Variants in OPCML observed in about 807,000 individuals in gnomAD.
OPCML encodes the protein opioid binding protein/cell adhesion molecule like.
A neutral mutation model predicts 37.8 loss-of-function variants in OPCML; 13 were observed. That is an observed-to-expected ratio of 0.34 (90% CI 0.22 to 0.55). The LOEUF (loss-of-function observed/expected upper bound fraction) is 0.55, where lower values mean the gene tolerates loss of function less well. OPCML is among the 20% of genes least tolerant of loss of function. The pLI is 0.91. For missense variants in OPCML, 341 were observed against 435.6 expected, an observed-to-expected ratio of 0.78 and a Z score of 1.93; for synonymous variants, 176 against 168.8, an observed-to-expected ratio of 1.04 and a Z score of -0.33.
intron 3 of OPCML, among the ~76,000 whole-genome samples, chr11:132,622,614 G>T (rs978253771): frequency 2.6e-5 from 4 of 152,108 alleles, no homozygotes. Flanking sequence ...GGCCAGCCCT[G>T]GAAGTCCAGT....
intron 2 of OPCML, among the ~76,000 whole-genome samples, chr11:132,777,799 G>C (rs1275680883): frequency 6.6e-6 from 1 of 152,120 alleles, no homozygotes; most frequent in Non-Finnish European, 1.5e-5. Context: ...TTTGAATCTG[G>C]TCTCACACCT....
At chr11:132,640,510 T>C (rs1350381026) in intron 3 of OPCML, among the ~76,000 whole-genome samples, 1 of 152,226 alleles carries the variant, frequency 6.6e-6, no homozygotes, top group Non-Finnish European at 1.5e-5. Flanking sequence ...AACCAAATAT[T>C]GTCATTTCTT....
At chr11:133,144,293 C>T (rs1023275446) in intron 1 of OPCML, among the ~76,000 whole-genome samples, 11 of 152,238 alleles carry the variant, frequency 7.2e-5, no homozygotes, top group African/African-American at 2.4e-4. Flanking sequence ...CCTGCCTGCA[C>T]AGGCCCTGAG....
At chr11:132,455,794 C>T (rs933221370) in intron 4 of OPCML, among the ~76,000 whole-genome samples, 2 of 152,034 alleles carry the variant, frequency 1.3e-5, no homozygotes, top group African/African-American at 4.8e-5. Flanking sequence ...TTCATTCATT[C>T]ATTCATATGT....
chr11:132,729,429 G>T (rs1316442536), intron 2 of OPCML, among the ~76,000 whole-genome samples: 1 of 152,076 alleles, frequency 6.6e-6, no homozygotes, highest in Non-Finnish European at 1.5e-5. Context: ...TTGGACAAAG[G>T]TTAAACGGGC....
At chr11:133,442,956 T>C (rs943775389) in intron 1 of OPCML, among the ~76,000 whole-genome samples, 5 of 152,204 alleles carry the variant, frequency 3.3e-5, no homozygotes, top group African/African-American at 1.2e-4. Context: ...TTAAACATGA[T>C]ACTTAATAGC....
At chr11:133,342,842 T>A (rs1439767091) in intron 1 of OPCML, among the ~76,000 whole-genome samples, 1 of 152,104 alleles carries the variant, frequency 6.6e-6, no homozygotes, top group African/African-American at 2.4e-5. Flanking sequence ...CATGGTACCT[T>A]AGGCCTTCAT....
At chr11:133,192,065 T>C (rs1592089633) in intron 1 of OPCML, among the ~76,000 whole-genome samples, 1 of 152,332 alleles carries the variant, frequency 6.6e-6, no homozygotes, top group East Asian at 1.9e-4. Context: ...GAGACTTCAT[T>C]GTGCAGGGTA....
At chr11:132,673,854 G>T (rs1033409048) in intron 2 of OPCML, among the ~76,000 whole-genome samples, 1 of 152,084 alleles carries the variant, frequency 6.6e-6, no homozygotes, top group African/African-American at 2.4e-5. Context: ...TGAATCCAAA[G>T]GGTAGTGGTC....
intron 1 of OPCML, among the ~76,000 whole-genome samples, chr11:133,526,498 T>G (rs1352174183): frequency 6.6e-6 from 1 of 152,158 alleles, no homozygotes; most frequent in Non-Finnish European, 1.5e-5. Flanking sequence ...AGGGAATGTA[T>G]GTTCACATGC....
intron 1 of OPCML, among the ~76,000 whole-genome samples, chr11:133,058,492 A>G (rs951441197): frequency 3.3e-5 from 5 of 152,156 alleles, no homozygotes; most frequent in Non-Finnish European, 7.4e-5. Context: ...TGTCACATCG[A>G]GCATGCCACC....
intron 1 of OPCML, among the ~76,000 whole-genome samples, chr11:133,131,645 A>G (rs1277928266): frequency 1.3e-5 from 2 of 152,212 alleles, no homozygotes; most frequent in African/African-American, 2.4e-5. Context: ...TCTATGATAT[A>G]GCAATAACAC....
At chr11:132,745,568 A>T (rs1344361393) in intron 2 of OPCML, among the ~76,000 whole-genome samples, 8 of 60,202 alleles carry the variant, frequency 1.3e-4, no homozygotes, top group African/African-American at 3.7e-4. Flanking sequence ...TCTTGCAAAA[A>T]AAAAAAAAAA....
chr11:133,195,115 T>A (rs1938487164), intron 1 of OPCML, among the ~76,000 whole-genome samples: 1 of 152,200 alleles, frequency 6.6e-6, no homozygotes, highest in African/African-American at 2.4e-5. Flanking sequence ...GTTTTGCATG[T>A]AGTAGGTGCT....
At chr11:133,168,573 T>C (rs1231582251) in intron 1 of OPCML, among the ~76,000 whole-genome samples, 1 of 152,166 alleles carries the variant, frequency 6.6e-6, no homozygotes, top group African/African-American at 2.4e-5. Context: ...AAATATAAAA[T>C]ATGGTACAGT....
At chr11:132,504,636 G>A (rs976649123) in intron 4 of OPCML, among the ~76,000 whole-genome samples, 1 of 151,890 alleles carries the variant, frequency 6.6e-6, no homozygotes, top group Non-Finnish European at 1.5e-5. Flanking sequence ...TAGGTTGTTG[G>A]CAGGAGTTTC....
chr11:133,405,211 G>A (rs949916168), intron 1 of OPCML, among the ~76,000 whole-genome samples: 14 of 152,196 alleles, frequency 9.2e-5, no homozygotes, highest in African/African-American at 3.4e-4. Flanking sequence ...AGAACCTAGG[G>A]AGACCTGTGG....
At position 132,520,303 on chromosome 11, in the gene OPCML, G is replaced by A. The variant is rs1019850197; in HGVS notation, c.505+8758C>T. ...CTCCAGACTTGAAAATCAGGAACTA[G>A]GTTCTTTTCATAAAGCTACCATTTT... On this transcript the variant is annotated intron_variant, in intron 4 of 7. Coordinates refer to ENST00000524381, the MANE Select transcript of OPCML (RefSeq NM_001012393.5). Among the ~76,000 whole-genome samples, 3 of 152,106 alleles carry A rather than the reference G, an allele frequency of 2.0e-5. No homozygotes were observed. In the East Asian group the frequency reaches 5.8e-4, roughly 29 times the overall value.
chr11:133,027,858 G>T (rs1255896556), intron 1 of OPCML, among the ~76,000 whole-genome samples: 3 of 9,300 alleles, frequency 3.2e-4, no homozygotes, highest in African/African-American at 7.1e-4. Context: ...TAGTGTGTGT[G>T]GGTTTTGTAC....
Sources: allele counts gnomAD v4.1 joint callset (sites outside exome capture counted in the v4.1 genomes callset), GRCh38; gene constraint gnomAD v4.1.1; transcripts MANE v1.5; gene names NCBI Gene and HGNC (gene_info 2026-07-23, HGNC 2026-07-21).